PHACTR1: variants seen among roughly 807,000 people sequenced by gnomAD.
The protein encoded by PHACTR1 is RPEL repeat containing 1.
Under a neutral mutation model 69.2 loss-of-function variants are expected in PHACTR1, and 16 were observed. The observed-to-expected ratio is 0.23, with a 90% CI of 0.16 to 0.35. The LOEUF is 0.35. PHACTR1 is among the 10% of genes least tolerant of loss of function. PHACTR1 has a pLI of 1.00. For missense variants in PHACTR1, 510 were observed against 734.7 expected (o/e 0.69, Z 3.54); for synonymous variants, 312 against 284.5 (o/e 1.10, Z -0.97).
At chr6:12,810,277 C>T (rs1188120594) in intron 4 of PHACTR1, among the ~76,000 whole-genome samples, 1 of 152,206 alleles carries the variant, frequency 6.6e-6, no homozygotes, top group Non-Finnish European at 1.5e-5. Context: ...TTGCTCCTGG[C>T]TTCATGCCAA....
At chr6:13,233,986 A>G (rs1771615356) in intron 10 of PHACTR1, among the ~76,000 whole-genome samples, 1 of 152,234 alleles carries the variant, frequency 6.6e-6, no homozygotes, top group Non-Finnish European at 1.5e-5. Flanking sequence ...CAAATTGGCA[A>G]AGTTGTACAG....
chr6:13,221,092 A>G (rs1361626603), intron 8 of PHACTR1, among the ~76,000 whole-genome samples: 1 of 152,218 alleles, frequency 6.6e-6, no homozygotes, highest in Non-Finnish European at 1.5e-5. Context: ...GATTTGAGTC[A>G]TCCCTGAAAG....
At chr6:12,832,896 C>T (rs1777742440) in intron 4 of PHACTR1, among the ~76,000 whole-genome samples, 1 of 152,160 alleles carries the variant, frequency 6.6e-6, no homozygotes, top group South Asian at 2.1e-4. Flanking sequence ...GACTTCTTTT[C>T]CATCACAATC....
intron 8 of PHACTR1, 81 bp from the exon 9 acceptor site, chr6:13,227,735 T>G: frequency 8.5e-6 from 13 of 1,527,552 alleles, no homozygotes; most frequent in Non-Finnish European, 8.9e-6. Context: ...ACTGGGCAAC[T>G]GAGTTTTAAA....
intron 6 of PHACTR1, 127 bp from the exon 7 acceptor site, chr6:13,182,392 A>G: frequency 9.3e-7 from 1 of 1,075,928 alleles, no homozygotes; most frequent in Admixed American, 1.8e-5. Flanking sequence ...AAGCAAAATA[A>G]CAGATGTTGG....
intron 7 of PHACTR1, among the ~76,000 whole-genome samples, chr6:13,187,888 A>C (rs1004927479): frequency 5.3e-5 from 8 of 152,236 alleles, no homozygotes; most frequent in Non-Finnish European, 1.0e-4. Context: ...TAAAAAGAAG[A>C]GTCAGCAGAA....
At chr6:12,856,608 A>G (rs1780395824) in intron 4 of PHACTR1, among the ~76,000 whole-genome samples, 1 of 152,164 alleles carries the variant, frequency 6.6e-6, no homozygotes, top group Non-Finnish European at 1.5e-5. Context: ...ACCAAATGCA[A>G]ATCTATGATC....
chr6:13,110,591 C>G (rs1015699142), intron 5 of PHACTR1, among the ~76,000 whole-genome samples: 3 of 152,160 alleles, frequency 2.0e-5, no homozygotes, highest in African/African-American at 7.2e-5. Flanking sequence ...TCCAGTTACC[C>G]TGGTATCCTT....
intron 4 of PHACTR1, among the ~76,000 whole-genome samples, chr6:12,974,734 A>G (rs1794658376): frequency 6.6e-6 from 1 of 152,224 alleles, no homozygotes; most frequent in African/African-American, 2.4e-5. Flanking sequence ...GGGGTTTCCA[A>G]AAGGCTGACC....
chr6:12,897,772 TG>T (rs1784813380), intron 4 of PHACTR1, among the ~76,000 whole-genome samples: 2 of 151,924 alleles, frequency 1.3e-5, no homozygotes, highest in Admixed American at 1.3e-4. Flanking sequence ...CATGCAGTTT[TG>T]TTACATAGGT....
chr6:13,124,209 G>C (rs1165000771), intron 5 of PHACTR1, among the ~76,000 whole-genome samples: 1 of 152,202 alleles, frequency 6.6e-6, no homozygotes, highest in East Asian at 1.9e-4. Context: ...GGGACCTCTT[G>C]TTGATGCTAG....
chr6:12,814,097 T>G (rs187655233), intron 4 of PHACTR1, among the ~76,000 whole-genome samples: 94 of 152,310 alleles, frequency 6.2e-4, no homozygotes, highest in African/African-American at 2.2e-3. Context: ...AGCTCCTGGG[T>G]GTCAGGTGGA....
intron 4 of PHACTR1, among the ~76,000 whole-genome samples, chr6:12,832,187 T>C (rs1352263756): frequency 6.6e-6 from 1 of 152,088 alleles, no homozygotes; most frequent in Non-Finnish European, 1.5e-5. Context: ...ATCAGAACTA[T>C]GGTGAAATCT....
chr6:13,268,352 C>T (rs1403277889), intron 10 of PHACTR1, among the ~76,000 whole-genome samples: 1 of 152,190 alleles, frequency 6.6e-6, no homozygotes, highest in Non-Finnish European at 1.5e-5. Context: ...AGTTTGCAAC[C>T]TCTGACTAGT....
At chr6:13,056,085 G>A (rs1451805440) in intron 5 of PHACTR1, among the ~76,000 whole-genome samples, 1 of 152,164 alleles carries the variant, frequency 6.6e-6, no homozygotes, top group Non-Finnish European at 1.5e-5. Flanking sequence ...AGATGGATGG[G>A]TGCATGATGT....
At chr6:13,136,683 C>T (rs942845625) in intron 5 of PHACTR1, among the ~76,000 whole-genome samples, 1 of 152,158 alleles carries the variant, frequency 6.6e-6, no homozygotes, top group Admixed American at 6.5e-5. Flanking sequence ...TAATGCGACT[C>T]CTCCTTTCAC....
At chr6:12,750,643 G>T (rs1766503223) in intron 4 of PHACTR1, among the ~76,000 whole-genome samples, 1 of 152,130 alleles carries the variant, frequency 6.6e-6, no homozygotes, top group African/African-American at 2.4e-5. Flanking sequence ...TGAGTCCACT[G>T]AAGGTTACTC....
Position 13,205,867 on chromosome 6 carries a change from GC to G in PHACTR1, c.718del (p.Leu240TyrfsTer7). On this transcript the variant is annotated frameshift_variant, in exon 8 of 15. Transcript: ENST00000332995. LOFTEE classifies it high-confidence loss of function. ...PCLPVKLSPP[L>X]PPKKVMICMP... ...GTCTGCCAGTGAAACTGTCGCCTCC[GC>G]TACCTCCAAAGAAAGTCATGATCTG... 6.2e-7 allele frequency: 1 copy of G among 1,600,470 alleles called. No homozygotes were observed. The highest frequency in any genetic ancestry group is 8.6e-7 in the Non-Finnish European group (1 of 1,168,798).
At chr6:12,859,848 C>T (rs9395190) in intron 4 of PHACTR1, among the ~76,000 whole-genome samples, 92,931 of 151,914 alleles carry the variant, frequency 0.61, 30,158 homozygotes, top group East Asian at 0.99. Context: ...TCCAAATACA[C>T]CAGAAATTCT....
Sources: gnomAD v4.1 joint callset for allele counts (sites outside exome capture counted in the v4.1 genomes callset) on GRCh38, gnomAD v4.1.1 for gene constraint, MANE v1.5 for transcripts, NCBI Gene and HGNC (gene_info 2026-07-23, HGNC 2026-07-21) for gene names.